The following ZNF789 variants were observed in gnomAD, a reference collection of about 807,000 sequenced individuals.
ZNF789 encodes zinc finger protein 789.
ZNF789 carries 11 observed loss-of-function variants against 15.6 expected under a neutral mutation model. The ratio of observed to expected loss-of-function variants is 0.70; its 90% CI spans 0.44 to 1.16. The LOEUF (loss-of-function observed/expected upper bound fraction) is 1.16. Ranked by LOEUF, ZNF789 falls within the 50% of genes most tolerant of loss-of-function variation. The probability of loss-of-function intolerance (pLI) is 0.00; values close to 1 mark genes in which losing one functional copy is unlikely to be tolerated. For synonymous variants in ZNF789, 159 were observed against 176.0 expected, an observed-to-expected ratio of 0.90 and a Z score of 0.76; for missense variants, 461 against 512.6, an observed-to-expected ratio of 0.90 and a Z score of 0.97.
intron 2 of ZNF789, chr7:99,478,378 T>C: frequency 7.8e-7 from 1 of 1,288,586 alleles, no homozygotes; most frequent in South Asian, 1.2e-5. Context: ...CCTGCAACCG[T>C]AGCAGTGGAA....
chr7:99,483,878 A>G (rs1251537397), intron 3 of ZNF789, 152 bp from the exon 4 acceptor site: 23 of 794,470 alleles, frequency 2.9e-5, no homozygotes, highest in Non-Finnish European at 4.2e-5. Context: ...CAGGCTTTCA[A>G]TAAAGACTGC....
chr7:99,476,302 A>AC lies in ZNF789; in HGVS notation c.-54-101_-54-100insC, dbSNP rs1333213860. ...ACACCAAACACAGGGACTTTGTATT[A>AC]AGCTTTGTCTGTGTGCCCCGTTGGA... On this transcript the variant is annotated intron_variant, in intron 1 of 4. Coordinates refer to ENST00000331410, the MANE Select transcript of ZNF789 (RefSeq NM_213603.3). The AC allele has an allele frequency of 2.6e-5, 18 of 691,996 alleles. No homozygotes were observed. In the African/African-American group the frequency reaches 3.3e-4, roughly 13 times the overall value. The allele number at this position is 691,996 out of a possible 1,614,324, so 42.9% of individuals were successfully genotyped here. A position where few individuals can be genotyped will look rare whatever the true frequency, so the allele number is the denominator to read the frequency against.
chr7:99,485,365 C>T (rs1191213359), intron 4 of ZNF789: 2 of 740,668 alleles, frequency 2.7e-6, no homozygotes, highest in African/African-American at 3.5e-5. Flanking sequence ...TTGAACCTCC[C>T]CAGGTGTGAC....
At chr7:99,473,569 G>GA (rs1562878845) in intron 1 of ZNF789, among the ~76,000 whole-genome samples, 1 of 152,086 alleles carries the variant, frequency 6.6e-6, no homozygotes, top group African/African-American at 2.4e-5. Flanking sequence ...ATGCGGACGA[G>GA]AAAAAAGCTT....
At chr7:99,474,400 C>G (rs1799193360) in intron 1 of ZNF789, among the ~76,000 whole-genome samples, 1 of 152,156 alleles carries the variant, frequency 6.6e-6, no homozygotes, top group African/African-American at 2.4e-5. Context: ...CAAGACCATC[C>G]TGGCTAACAC....
chr7:99,486,310 G>A (rs535029589), intron 4 of ZNF789, among the ~76,000 whole-genome samples, 166 bp from the exon 5 acceptor site: 3 of 151,992 alleles, frequency 2.0e-5, no homozygotes, highest in East Asian at 1.9e-4. Context: ...GAGAGACTCC[G>A]TCTCAAAAAA....
At chr7:99,483,748 A>G in intron 3 of ZNF789, 1 of 781,078 alleles carries the variant, frequency 1.3e-6, no homozygotes, top group Non-Finnish European at 2.4e-6. Flanking sequence ...GTTTATTTCC[A>G]GTTTGATGCT....
intron 2 of ZNF789, 30 bp from the exon 3 acceptor site, chr7:99,479,631 T>C: frequency 4.5e-6 from 7 of 1,562,874 alleles, no homozygotes; most frequent in South Asian, 1.2e-5. Context: ...TTTTAAGAAT[T>C]GCAGTTACCT....
At position 99,486,838 on chromosome 7, in the gene ZNF789, A is replaced by G. The variant is rs745792551; in HGVS notation, c.628A>G (p.Ile210Val). 3.1e-6 allele frequency: 5 copies of G among 1,614,184 alleles called. No homozygotes were observed. In the Admixed American group the frequency reaches 8.3e-5, roughly 27 times the overall value. Residue 210 changes from isoleucine to valine, a missense_variant, in exon 5 of 5, where the codon ATT (isoleucine) becomes GTT (valine). Physicochemically the swap from Ile to Val is conservative, Grantham distance 29. Transcript: ENST00000331410. ...TGAATGCAGTGAATGTGGAAAAGTC[A>G]TTAGGCGTAAGGCATGGTTTGATCA... ...SYECSECGKV[I>V]RRKAWFDQHQ...
intron 3 of ZNF789, 191 bp from the exon 4 acceptor site, chr7:99,483,839 T>G: frequency 1.3e-6 from 1 of 783,044 alleles, no homozygotes; most frequent in Admixed American, 1.7e-5. Flanking sequence ...AAGAGTGAAA[T>G]GACCACAGCC....
chr7:99,482,223 G>T (rs751056277), intron 3 of ZNF789: 9 of 778,954 alleles, frequency 1.2e-5, no homozygotes, highest in Non-Finnish European at 1.9e-5. Context: ...CATTCATCTT[G>T]GTTGCAATTG....
chr7:99,474,270 A>G (rs1799180102), intron 1 of ZNF789, among the ~76,000 whole-genome samples: 1 of 152,354 alleles, frequency 6.6e-6, no homozygotes, highest in South Asian at 2.1e-4. Flanking sequence ...TGAGCTAAAA[A>G]AAAATCGCAA....
At chr7:99,474,992 A>AT (rs397795507) in intron 1 of ZNF789, among the ~76,000 whole-genome samples, 4 of 152,104 alleles carry the variant, frequency 2.6e-5, no homozygotes, top group Non-Finnish European at 5.9e-5. Context: ...AAAAAAAAAA[A>AT]GAAAGGCAAA....
At chr7:99,486,450 T>C in intron 4 of ZNF789, 26 bp from the exon 5 acceptor site, 1 of 1,589,860 alleles carries the variant, frequency 6.3e-7, no homozygotes, top group Non-Finnish European at 8.5e-7. Flanking sequence ...ATAGGTCATT[T>C]ACATCTTTTC....
At chr7:99,482,047 T>A (rs1799662113) in intron 3 of ZNF789, 1 of 703,546 alleles carries the variant, frequency 1.4e-6, no homozygotes, top group African/African-American at 1.8e-5. Context: ...TACTCATAAA[T>A]ATATAATAAG....
In ZNF789 at chr7:99,479,796, C is replaced by T. The variant is rs377298132; in HGVS notation, c.151+9C>T. On this transcript the variant is annotated intron_variant, in intron 3 of 4. Coordinates refer to ENST00000331410, the MANE Select transcript of ZNF789 (RefSeq NM_213603.3). The stretch of plus-strand genomic sequence containing the variant: ...GAACATGGTCTTGCTGGGTAGGACA[C>T]GGCTTGAAGATTGGGCTTTGTCTGT... 17 of 1,610,612 alleles carry T rather than the reference C, an allele frequency of 1.1e-5. No homozygotes were observed. Among genetic ancestry groups the T allele is most frequent in the African/African-American group, 2.7e-5 (2 of 74,706 alleles).
At chr7:99,476,261 T>G in intron 1 of ZNF789, 142 bp from the exon 2 acceptor site, 1 of 562,122 alleles carries the variant, frequency 1.8e-6, no homozygotes, top group Non-Finnish European at 3.1e-6. Flanking sequence ...GCTCATGCAT[T>G]TCATCACATG....
Position 99,476,449 on chromosome 7 carries a change from T to G in ZNF789, c.-8T>G. ...CCACCCCTTGCAAAAGACCAGGCCG[T>G]GGAAGCCATGTTCCCACCAGCCAGG... On this transcript the variant is annotated 5_prime_UTR_variant, in exon 2 of 5. Transcript: ENST00000331410. 1 of 1,611,230 alleles carries G rather than the reference T, an allele frequency of 6.2e-7. No individual in the cohort carries two copies. The highest frequency in any genetic ancestry group is 8.5e-7 in the Non-Finnish European group (1 of 1,179,008).
At chr7:99,485,417 C>T in intron 4 of ZNF789, 1 of 657,952 alleles carries the variant, frequency 1.5e-6, no homozygotes, top group South Asian at 1.7e-5. Flanking sequence ...CCTGTTCACC[C>T]CTAGTTGAGA....
Sources: gnomAD v4.1 joint callset for allele counts (sites outside exome capture counted in the v4.1 genomes callset) on GRCh38, gnomAD v4.1.1 for gene constraint, MANE v1.5 for transcripts, NCBI Gene and HGNC (gene_info 2026-07-23, HGNC 2026-07-21) for gene names.